SLC6A12: variants seen among roughly 807,000 people sequenced by gnomAD.
SLC6A12 encodes the protein sodium- and chloride-dependent betaine transporter.
Under a neutral mutation model 73.3 loss-of-function variants are expected in SLC6A12, and 50 were observed. The observed-to-expected ratio is 0.68, with a 90% confidence interval of 0.54 to 0.86. The LOEUF is 0.86. Among genes scored for constraint, SLC6A12 ranks in the 40% least tolerant of loss-of-function variants. SLC6A12 has a pLI of 0.00. For synonymous variants in SLC6A12, 304 were observed against 309.2 expected, an observed-to-expected ratio of 0.98 and a Z score of 0.18; for missense variants, 648 against 772.8, an observed-to-expected ratio of 0.84 and a Z score of 1.92.
At chr12:199,904 A>G (rs1187415804) in intron 7 of SLC6A12, 1 of 152,192 alleles carries the variant, frequency 6.6e-6, no homozygotes, top group African/African-American at 2.4e-5. Flanking sequence ...ATGTTGTTAA[A>G]TACAACAACA....
chr12:192,427 G>A lies in SLC6A12; in HGVS notation c.1701+51C>T, dbSNP rs1227960813. On this transcript the variant is annotated intron_variant, in intron 15 of 15. Coordinates refer to ENST00000684302, the MANE Select transcript of SLC6A12 (RefSeq NM_001122848.3). ...AGTTGTGTGTCCTGCCCCAAGTCCA[G>A]CCTCTCTCAGTGCCCTCCTTTAAGA... 3 of 1,551,924 alleles carry A rather than the reference G, an allele frequency of 1.9e-6. No homozygotes were observed. In the African/African-American group the frequency reaches 4.1e-5, roughly 21 times the overall value.
chr12:195,485 C>T (rs1244324198), intron 12 of SLC6A12, among the ~76,000 whole-genome samples, 158 bp from the exon 13 acceptor site: 1 of 152,190 alleles, frequency 6.6e-6, no homozygotes, highest in Non-Finnish European at 1.5e-5. Context: ...TCTGCCCCTG[C>T]CTTCAGGCCC....
In SLC6A12 at chr12:198,001, C is replaced by T. The variant is rs115308035; in HGVS notation, c.849G>A (p.Val283=). The change falls in exon 9 of 16, where the codon GTG becomes GTA. Residue 283 remains valine, a splice_region_variant and synonymous_variant. Coordinates refer to ENST00000684302, the MANE Select transcript of SLC6A12 (RefSeq NM_001122848.3). This position sits in a 1 kb window ranked among gnomAD's most constrained non-coding sequence, Gnocchi z 4.0. The stretch of plus-strand genomic sequence containing the variant: ...AGATCTGGGTGCCCGCATCCATCCA[C>T]ACCTACACAAAACCCCAAGAAAGAG... ...PDLFRLKDPQ[V]WMDAGTQIFF... is the part of the protein sequence containing the mutation. 1,222 of 1,613,646 alleles carry T rather than the reference C, an allele frequency of 7.6e-4. 11 individuals are homozygous for T. The African/African-American group carries it at 0.014, about 18-fold the overall frequency.
At position 197,987 on chromosome 12, in the gene SLC6A12, C is replaced by T; in HGVS notation, c.863G>A (p.Gly288Asp). Reference protein sequence around the residue: ...LKDPQVWMDAGTQIFFSFAIC... With the variant: ...LKDPQVWMDADTQIFFSFAIC... Reference sequence around the variant, plus strand: ...GGCAAAGGAGAAGAAGATCTGGGTGCCCGCATCCATCCACACCTACACAAA... The same window carrying T: ...GGCAAAGGAGAAGAAGATCTGGGTGTCCGCATCCATCCACACCTACACAAA... The change falls in exon 9 of 16, where the codon GGC (glycine) becomes GAC (aspartate). Residue 288 changes from glycine (G) to aspartate (D), a missense_variant. Physicochemically the swap from Gly to Asp is moderately conservative, Grantham distance 94. Transcript: ENST00000684302. The T allele has an allele frequency of 1.2e-6, 2 of 1,613,660 alleles. No individual in the cohort carries two copies. The highest frequency in any genetic ancestry group is 1.7e-6 in the Non-Finnish European group (2 of 1,179,850).
Position 191,022 on chromosome 12 carries a change from T to G in SLC6A12, c.*46A>C. On this transcript the variant is annotated 3_prime_UTR_variant, in exon 16 of 16. Coordinates refer to ENST00000684302, the MANE Select transcript of SLC6A12 (RefSeq NM_001122848.3). ...GTCCGCTGAGAATGGAGGGTGGCCC[T>G]GACCTAGGTTCCCGGCTTAGGAGCC... The G allele has an allele frequency of 7.8e-7, 1 of 1,278,392 alleles. No individual in the cohort carries two copies. The highest frequency in any genetic ancestry group is 1.0e-6 in the Non-Finnish European group (1 of 1,002,558). The allele number at this position is 1,278,392 out of a possible 1,614,324, so 79.2% of individuals were successfully genotyped here.
intron 1 of SLC6A12, among the ~76,000 whole-genome samples, chr12:212,632 C>T (rs749954532): frequency 1.3e-5 from 2 of 152,202 alleles, no homozygotes; most frequent in East Asian, 3.9e-4. Context: ...CAGCTGGCCC[C>T]GAGCCGTGGT....
chr12:197,405 C>A lies in SLC6A12; in HGVS notation c.1047G>T (p.Gly349=). ...SILGFMSQEQ[G]VPISEVAESG... The stretch of plus-strand genomic sequence containing the variant: ...ACTCGGCCACTTCAGAAATGGGCAC[C>A]CCTTGCTCTTGGGACATGAAGCCCA... Residue 349 remains glycine, a synonymous_variant, in exon 10 of 16, where the codon GGG becomes GGT. Coordinates refer to ENST00000684302, the MANE Select transcript of SLC6A12 (RefSeq NM_001122848.3). 6.2e-7 allele frequency: 1 copy of A among 1,613,790 alleles called. No homozygotes were observed. The highest frequency in any genetic ancestry group is 1.1e-5 in the South Asian group (1 of 91,032).
chr12:188,431 A>G (rs1386538885), downstream of SLC6A12, among the ~76,000 whole-genome samples: 1 of 151,964 alleles, frequency 6.6e-6, no homozygotes, highest in Non-Finnish European at 1.5e-5. Context: ...CGCCGCGCGC[A>G]GCCCCGCTTC....
chr12:193,788 A>G (rs765133068), intron 13 of SLC6A12, among the ~76,000 whole-genome samples: 1 of 152,220 alleles, frequency 6.6e-6, no homozygotes, highest in Non-Finnish European at 1.5e-5. Flanking sequence ...CTGTTCAGAC[A>G]CATCATAGAA....
In SLC6A12 at chr12:204,679, G is replaced by A; in HGVS notation, c.234C>T (p.Tyr78=). 6.2e-7 allele frequency: 1 copy of A among 1,614,148 alleles called. No individual in the cohort carries two copies. Among genetic ancestry groups the A allele is most frequent in the Non-Finnish European group, 8.5e-7 (1 of 1,180,028 alleles). ...TGCCGCAGACAAAGAAGAAGATGAA[G>A]TAGGGGATGAAGAAGGCTCCTGCAG... ...KNGGGAFFIP[Y]FIFFFVCGIP... The change falls in exon 4 of 16, where the codon TAC becomes TAT. Residue 78 remains tyrosine, a synonymous_variant. Coordinates refer to ENST00000684302, the MANE Select transcript of SLC6A12 (RefSeq NM_001122848.3).
downstream of SLC6A12, among the ~76,000 whole-genome samples, chr12:188,531 G>C (rs1939484381): frequency 1.3e-5 from 2 of 152,222 alleles, no homozygotes. Context: ...CCACAGTGCA[G>C]CGGGGGGCTG....
At chr12:208,979 G>C (rs147689230) in intron 3 of SLC6A12, among the ~76,000 whole-genome samples, 159 of 152,222 alleles carry the variant, frequency 1.0e-3, no homozygotes, top group African/African-American at 3.7e-3. Flanking sequence ...AGTCAGAACA[G>C]AGCCTGAGTG....
At chr12:187,505 G>A (rs1268842520), downstream of SLC6A12, among the ~76,000 whole-genome samples, 2 of 146,726 alleles carry the variant, frequency 1.4e-5, no homozygotes, top group African/African-American at 2.5e-5. Context: ...AAGTAAACCT[G>A]CAGATTTTCC....
At chr12:199,420 A>G (rs1940095351) in intron 7 of SLC6A12, among the ~76,000 whole-genome samples, 1 of 152,188 alleles carries the variant, frequency 6.6e-6, no homozygotes, top group Non-Finnish European at 1.5e-5. Flanking sequence ...CCAGGGGAAT[A>G]GTGACCAGAT....
intron 11 of SLC6A12, 55 bp downstream of exon 11, chr12:196,715 C>A: frequency 1.6e-6 from 2 of 1,277,218 alleles, no homozygotes; most frequent in Admixed American, 1.7e-5. Context: ...CCAGGACAAG[C>A]AAAGGCTTGC....
chr12:196,023 C>G (rs1262338986), intron 12 of SLC6A12, 101 bp downstream of exon 12: 2 of 1,151,030 alleles, frequency 1.7e-6, no homozygotes, highest in African/African-American at 1.6e-5. Context: ...TCACACCCCT[C>G]GTCAGCAGAT....
At position 192,630 on chromosome 12, in the gene SLC6A12, A is replaced by G; in HGVS notation, c.1549T>C (p.Leu517=). The G allele has an allele frequency of 1.2e-6, 2 of 1,614,118 alleles. No individual in the cohort carries two copies. Among genetic ancestry groups the G allele is most frequent in the Non-Finnish European group, 1.7e-6 (2 of 1,180,000 alleles). Residue 517 remains leucine (L), a synonymous_variant, in exon 15 of 16, where the codon TTG becomes CTG. Coordinates refer to ENST00000684302, the MANE Select transcript of SLC6A12 (RefSeq NM_001122848.3). ...GLCLATFLFS[L]SKYTPLKYNN... Reference sequence around the variant, plus strand: ...TACTTGAGGGGGGTGTACTTGCTCAAGGAGAAGAGGAAAGTGGCCTGGGAG... The same window carrying G: ...TACTTGAGGGGGGTGTACTTGCTCAGGGAGAAGAGGAAAGTGGCCTGGGAG...
chr12:198,939 T>TG lies in SLC6A12; in HGVS notation c.712-9dup. 6.2e-7 allele frequency: 1 copy of TG among 1,613,554 alleles called. No homozygotes were observed. The highest frequency in any genetic ancestry group is 1.3e-5 in the African/African-American group (1 of 74,940). Reference sequence around the variant, plus strand: ...GGCTGTGAAATAAACCACCTGGAGGTGGGGGGACAGGCCAAGGTCACTCCT... The same window carrying TG: ...GGCTGTGAAATAAACCACCTGGAGGTGGGGGGGACAGGCCAAGGTCACTCCT... On this transcript the variant is annotated splice_polypyrimidine_tract_variant and intron_variant, in intron 7 of 15. Coordinates refer to ENST00000684302, the MANE Select transcript of SLC6A12 (RefSeq NM_001122848.3). The surrounding 1 kb of genome is among the most constrained non-coding windows in gnomAD (Gnocchi z 4.0).
At chr12:191,447 T>G (rs1939595244) in intron 15 of SLC6A12, among the ~76,000 whole-genome samples, 1 of 152,232 alleles carries the variant, frequency 6.6e-6, no homozygotes, top group Non-Finnish European at 1.5e-5. Flanking sequence ...CTGCGCCACC[T>G]AAGGCTGCTC....
Sources: allele counts gnomAD v4.1 joint callset (sites outside exome capture counted in the v4.1 genomes callset), GRCh38; gene constraint gnomAD v4.1.1; non-coding constraint Gnocchi (gnomAD v3.1); transcripts MANE v1.5; gene names NCBI Gene and HGNC (gene_info 2026-07-23, HGNC 2026-07-21).